The following CNTNAP2 variants were observed in gnomAD, a reference collection of about 807,000 sequenced individuals.
The protein encoded by CNTNAP2 is contactin-associated protein-like 2.
CNTNAP2 carries 98 observed loss-of-function variants against 155.2 expected under a neutral mutation model. That is an observed-to-expected ratio of 0.63 (90% CI 0.54 to 0.75). The LOEUF (loss-of-function observed/expected upper bound fraction) is 0.75, where lower values mean the gene tolerates loss of function less well. Ranked by LOEUF, CNTNAP2 falls within the 30% of genes least tolerant of loss-of-function variation. The pLI is 0.00. For missense variants in CNTNAP2, 1,727 were observed against 1,688.1 expected (o/e 1.02, Z -0.40); for synonymous variants, 651 against 631.2 (o/e 1.03, Z -0.47).
At chr7:146,536,736 A>G (rs527742554) in intron 1 of CNTNAP2, among the ~76,000 whole-genome samples, 14 of 152,250 alleles carry the variant, frequency 9.2e-5, no homozygotes, top group Admixed American at 8.5e-4. Flanking sequence ...ATCTCTAGTC[A>G]CGTTGCGTGA....
At chr7:148,224,534 G>C (rs971058472) in intron 19 of CNTNAP2, among the ~76,000 whole-genome samples, 1 of 152,156 alleles carries the variant, frequency 6.6e-6, no homozygotes, top group Non-Finnish European at 1.5e-5. Flanking sequence ...CATTGCAACC[G>C]CTATTTGGAA....
intron 16 of CNTNAP2, among the ~76,000 whole-genome samples, chr7:148,118,523 T>A (rs1804526152): frequency 6.6e-6 from 1 of 152,050 alleles, no homozygotes; most frequent in Non-Finnish European, 1.5e-5. Context: ...GTCAAGAAGA[T>A]GAGAGAGAAC....
chr7:147,373,339 C>G (rs1341877136), intron 9 of CNTNAP2, among the ~76,000 whole-genome samples: 1 of 151,930 alleles, frequency 6.6e-6, no homozygotes, highest in Non-Finnish European at 1.5e-5. Flanking sequence ...AAATGTCTGT[C>G]TTACTAGATT....
At chr7:147,161,176 C>G (rs1300844389) in intron 8 of CNTNAP2, among the ~76,000 whole-genome samples, 1 of 151,938 alleles carries the variant, frequency 6.6e-6, no homozygotes, top group African/African-American at 2.4e-5. Context: ...ATTAGAGATA[C>G]AAAGTATAGA....
intron 1 of CNTNAP2, among the ~76,000 whole-genome samples, chr7:146,653,180 C>T (rs1799944681): frequency 6.6e-6 from 1 of 152,090 alleles, no homozygotes; most frequent in Non-Finnish European, 1.5e-5. Flanking sequence ...TTTAAAGTTT[C>T]CTTAACTCCT....
chr7:146,340,271 TTTGTTG>T (rs200825227), intron 1 of CNTNAP2, among the ~76,000 whole-genome samples: 3 of 147,476 alleles, frequency 2.0e-5, no homozygotes, highest in Non-Finnish European at 4.5e-5. Flanking sequence ...CCTTTTTTTG[TTTGTTG>T]TTGTTGTTGT....
intron 13 of CNTNAP2, among the ~76,000 whole-genome samples, chr7:147,669,659 G>A (rs753719436): frequency 1.2e-4 from 18 of 152,196 alleles, no homozygotes; most frequent in Non-Finnish European, 2.1e-4. Flanking sequence ...ATCCTGGAGG[G>A]GCTCTGGGTG....
At chr7:148,059,887 A>C (rs547131803) in intron 15 of CNTNAP2, among the ~76,000 whole-genome samples, 133 of 152,126 alleles carry the variant, frequency 8.7e-4, no homozygotes, top group South Asian at 2.5e-3. Context: ...CAAAATTTAA[A>C]AATTGGTCAA....
At chr7:148,260,126 T>C (rs535839829) in intron 20 of CNTNAP2, among the ~76,000 whole-genome samples, 55 of 152,328 alleles carry the variant, frequency 3.6e-4, no homozygotes, top group African/African-American at 1.2e-3. Context: ...AGTGAAATCA[T>C]ATAATATGTC....
In CNTNAP2 at chr7:148,267,910, G is replaced by A. The variant is rs1048661928; in HGVS notation, c.3475+784G>A. On this transcript the variant is annotated intron_variant, in intron 21 of 23. Coordinates refer to ENST00000361727, the MANE Select transcript of CNTNAP2 (RefSeq NM_014141.6). ...ACATGATTCTATCTTCCTCTCACTC[G>A]TAAGAAAGCACCTTGATATTATTTG... Among the ~76,000 whole-genome samples the A allele has an allele frequency of 1.8e-4, 27 of 152,102 alleles. No homozygotes were observed. In the East Asian group the frequency reaches 2.5e-3, roughly 14 times the overall value.
chr7:146,130,148 A>T (rs117585761), intron 1 of CNTNAP2, among the ~76,000 whole-genome samples: 1 of 152,218 alleles, frequency 6.6e-6, no homozygotes, highest in Non-Finnish European at 1.5e-5. Context: ...AATAGAAAAG[A>T]AATTTTCACT....
chr7:148,018,822 C>T (rs1363168848), intron 15 of CNTNAP2, among the ~76,000 whole-genome samples: 4 of 152,224 alleles, frequency 2.6e-5, no homozygotes, highest in Non-Finnish European at 5.9e-5. Flanking sequence ...GGCTGTGCTT[C>T]TCACAAGGTT....
chr7:146,458,061 C>G (rs1243429799), intron 1 of CNTNAP2, among the ~76,000 whole-genome samples: 2 of 151,994 alleles, frequency 1.3e-5, no homozygotes. Context: ...GAACAGAAAG[C>G]CAAACACCTC....
At chr7:146,281,192 C>T (rs528640335) in intron 1 of CNTNAP2, among the ~76,000 whole-genome samples, 19 of 152,198 alleles carry the variant, frequency 1.2e-4, no homozygotes, top group East Asian at 3.9e-4. Flanking sequence ...TCTGTTAAAA[C>T]GAGTACATTC....
chr7:147,344,447 G>C (rs7788941), intron 9 of CNTNAP2, among the ~76,000 whole-genome samples: 37,137 of 152,000 alleles, frequency 0.24, 6,169 homozygotes, highest in African/African-American at 0.47. Flanking sequence ...TAGAAAACTC[G>C]AAAGACAGAT....
At chr7:146,865,023 A>G (rs1795176775) in intron 3 of CNTNAP2, among the ~76,000 whole-genome samples, 1 of 148,972 alleles carries the variant, frequency 6.7e-6, no homozygotes, top group Non-Finnish European at 1.5e-5. Flanking sequence ...GTATAAATTT[A>G]ACAAGGCAAC....
chr7:146,960,283 T>A (rs1473661163), intron 3 of CNTNAP2, among the ~76,000 whole-genome samples: 1 of 152,246 alleles, frequency 6.6e-6, no homozygotes, highest in Non-Finnish European at 1.5e-5. Context: ...TATACTTTCT[T>A]TAAACATTCT....
intron 20 of CNTNAP2, among the ~76,000 whole-genome samples, chr7:148,240,621 T>C (rs1386420341): frequency 1.3e-5 from 2 of 152,126 alleles, no homozygotes; most frequent in African/African-American, 4.8e-5. Flanking sequence ...ACAGAACTAA[T>C]AGGATAGATG....
At chr7:147,738,978 A>G (rs1430134123) in intron 13 of CNTNAP2, among the ~76,000 whole-genome samples, 4 of 152,064 alleles carry the variant, frequency 2.6e-5, no homozygotes, top group African/African-American at 9.7e-5. Context: ...TATATATACT[A>G]GGAAACCAAA....
Sources: allele counts gnomAD v4.1 joint callset (sites outside exome capture counted in the v4.1 genomes callset), GRCh38; gene constraint gnomAD v4.1.1; transcripts MANE v1.5; gene names NCBI Gene and HGNC (gene_info 2026-07-23, HGNC 2026-07-21).